Variants in TM2D1 observed in about 807,000 individuals in gnomAD.
TM2D1 encodes the protein TM2 domain containing 1, also known as TM2 domain-containing protein 1.
In TM2D1, 15 loss-of-function variants were observed where a neutral mutation model predicts 28.4. The observed-to-expected ratio is 0.53, with a 90% CI of 0.35 to 0.81. TM2D1 has a LOEUF of 0.81. Ranked by LOEUF, TM2D1 falls within the 40% of genes least tolerant of loss-of-function variation. TM2D1 has a pLI of 0.01. For synonymous variants in TM2D1, 93 were observed against 96.2 expected (o/e 0.97, Z 0.20); for missense variants, 236 against 254.9 (o/e 0.93, Z 0.50).
intron 2 of TM2D1, among the ~76,000 whole-genome samples, chr1:61,712,448 T>C (rs1032680559): frequency 6.6e-6 from 1 of 152,222 alleles, no homozygotes; most frequent in Admixed American, 6.5e-5. Flanking sequence ...TCTCACTCTA[T>C]TGCACAGGCT....
At chr1:61,694,555 CT>C in intron 5 of TM2D1, 141 bp downstream of exon 5, 1 of 507,642 alleles carries the variant, frequency 2.0e-6, no homozygotes, top group Non-Finnish European at 3.4e-6. Context: ...ACCAGGATTC[CT>C]TAGATCTAGT....
At chr1:61,685,809 G>T (rs1358035691) in intron 5 of TM2D1, among the ~76,000 whole-genome samples, 1 of 152,112 alleles carries the variant, frequency 6.6e-6, no homozygotes, top group African/African-American at 2.4e-5. Flanking sequence ...TTTGAGACCA[G>T]CATGGGCAAA....
chr1:61,683,657 G>C (rs1644263607), intron 5 of TM2D1, 111 bp from the exon 6 acceptor site: 1 of 582,012 alleles, frequency 1.7e-6, no homozygotes, highest in African/African-American at 2.0e-5. Flanking sequence ...CAAAAATCCA[G>C]CTCTAACCTA....
At chr1:61,719,871 A>G (rs1160110859) in intron 2 of TM2D1, among the ~76,000 whole-genome samples, 3 of 152,212 alleles carry the variant, frequency 2.0e-5, no homozygotes, top group African/African-American at 7.2e-5. Flanking sequence ...ATAAAAAGAT[A>G]AAAAATAATA....
chr1:61,696,921 ATTT>A (rs564537221), intron 4 of TM2D1, among the ~76,000 whole-genome samples: 1 of 146,626 alleles, frequency 6.8e-6, no homozygotes, highest in African/African-American at 2.5e-5. Context: ...CCTGGCCTAA[ATTT>A]TTTTTTTTTT....
chr1:61,694,686 G>C lies in TM2D1; in HGVS notation c.513+11C>G, dbSNP rs374734444. 6.3e-7 allele frequency: 1 copy of C among 1,584,780 alleles called. No individual in the cohort carries two copies. The highest frequency in any genetic ancestry group is 1.2e-5 in the South Asian group (1 of 86,716). On this transcript the variant is annotated intron_variant, in intron 5 of 6. Coordinates refer to ENST00000606498, the MANE Select transcript of TM2D1 (RefSeq NM_032027.3). ...GTAAAAGTAGTTTACATTCTAGATT[G>C]AGAAACTTACCTGCATTGAAATAAG...
chr1:61,699,891 C>A, intron 4 of TM2D1: 1 of 273,036 alleles, frequency 3.7e-6, no homozygotes, highest in Non-Finnish European at 6.7e-6. Context: ...ACTTACAACA[C>A]TGAGTTTTAG....
chr1:61,683,726 G>A, intron 5 of TM2D1, 180 bp from the exon 6 acceptor site: 1 of 396,528 alleles, frequency 2.5e-6, no homozygotes, highest in South Asian at 3.7e-5. Context: ...GGATATACTG[G>A]GATAGCTCAA....
intron 2 of TM2D1, 140 bp from the exon 3 acceptor site, chr1:61,709,577 A>C: frequency 1.6e-6 from 1 of 621,296 alleles, no homozygotes; most frequent in Non-Finnish European, 2.9e-6. Flanking sequence ...TAGGTGGGAA[A>C]AGTGACACTA....
rs1387706420 is a variant in TM2D1 at position 61,724,938 on chromosome 1, T to G, written c.164+19A>C. 6.4e-7 allele frequency: 1 copy of G among 1,560,100 alleles called. No individual in the cohort carries two copies. Among genetic ancestry groups the G allele is most frequent in the Admixed American group, 1.8e-5 (1 of 54,112 alleles). ...ACTCTACCTCGCCTCCATGGGGGGG[T>G]GTTCTCCACAGAGGATATTGTCCCA... On this transcript the variant is annotated intron_variant, in intron 1 of 6. Transcript: ENST00000606498.
chr1:61,697,378 G>T (rs1390540402), intron 4 of TM2D1: 1 of 149,924 alleles, frequency 6.7e-6, no homozygotes, highest in Non-Finnish European at 1.5e-5. Flanking sequence ...TCCTTTGCAG[G>T]GTCTCACTAT....
intron 2 of TM2D1, among the ~76,000 whole-genome samples, chr1:61,716,693 GT>G (rs1373963610): frequency 6.6e-6 from 1 of 151,130 alleles, no homozygotes; most frequent in Non-Finnish European, 1.5e-5. Context: ...AACATTGTGA[GT>G]GGCTATAAAA....
chr1:61,709,316 G>A lies in TM2D1; in HGVS notation c.347+13C>T, dbSNP rs1254953841. On this transcript the variant is annotated intron_variant, in intron 3 of 6. Coordinates refer to ENST00000606498, the MANE Select transcript of TM2D1 (RefSeq NM_032027.3). ...AAGTAATCTGAAAATTTAAGTTTCA[G>A]TAATGTACTTACACATTTCGGCAAG... The A allele has an allele frequency of 1.9e-6, 3 of 1,553,418 alleles. No individual in the cohort carries two copies. Among genetic ancestry groups the A allele is most frequent in the Middle Eastern group, 1.7e-4 (1 of 5,976 alleles).
chr1:61,691,955 A>ATATATATATATATG (rs1223491469), intron 5 of TM2D1, among the ~76,000 whole-genome samples: 1 of 137,468 alleles, frequency 7.3e-6, no homozygotes, highest in Admixed American at 7.6e-5. Context: ...ATATATATAT[A>ATATATATATATATG]TATATGTATA....
intron 4 of TM2D1, chr1:61,699,482 T>C (rs1399116711): frequency 1.3e-5 from 2 of 152,288 alleles, no homozygotes; most frequent in Admixed American, 6.5e-5. Flanking sequence ...AGACTACCTC[T>C]GTAGGCAGTG....
intron 2 of TM2D1, among the ~76,000 whole-genome samples, chr1:61,716,356 T>A (rs1331167409): frequency 1.4e-5 from 2 of 146,600 alleles, no homozygotes; most frequent in Non-Finnish European, 3.0e-5. Flanking sequence ...TATATACATA[T>A]TTAATTTTAT....
intron 2 of TM2D1, among the ~76,000 whole-genome samples, chr1:61,719,126 C>G (rs984114986): frequency 1.3e-5 from 2 of 151,618 alleles, no homozygotes; most frequent in Non-Finnish European, 2.9e-5. Flanking sequence ...CTAGAGTGCA[C>G]TGACACAATC....
rs1644479325 is a variant in TM2D1, at chr1:61,711,528, G to A, written c.239-2091C>T. On this transcript the variant is annotated intron_variant, in intron 2 of 6. Transcript: ENST00000606498. ...TGGTCAGGCATGGTGGTGCTCACCTGTTGTCAGGAGGCTGAGGCAGGACTG... is the reference window on the plus strand; with the variant it reads ...TGGTCAGGCATGGTGGTGCTCACCTATTGTCAGGAGGCTGAGGCAGGACTG... Among the ~76,000 whole-genome samples the A allele has an allele frequency of 2.0e-5, 3 of 151,312 alleles. No individual in the cohort carries two copies. In the South Asian group the frequency reaches 6.3e-4, roughly 32 times the overall value.
chr1:61,695,447 C>A (rs1570102676), intron 4 of TM2D1, among the ~76,000 whole-genome samples: 1 of 151,296 alleles, frequency 6.6e-6, no homozygotes, highest in East Asian at 1.9e-4. Context: ...ATAATATAAC[C>A]CAAAAACGAT....
Sources: gnomAD v4.1 joint callset for allele counts (sites outside exome capture counted in the v4.1 genomes callset) on GRCh38, gnomAD v4.1.1 for gene constraint, MANE v1.5 for transcripts, NCBI Gene and HGNC (gene_info 2026-07-23, HGNC 2026-07-21) for gene names.